NCOR1: variants seen among roughly 807,000 people sequenced by gnomAD.
NCOR1 encodes the protein protein phosphatase 1, regulatory subunit 109.
Under a neutral mutation model 288.1 loss-of-function variants are expected in NCOR1, and 63 were observed. The ratio of observed to expected loss-of-function variants is 0.22; its 90% CI spans 0.18 to 0.27. The LOEUF is 0.27. Among genes scored for constraint, NCOR1 ranks in the 10% least tolerant of loss-of-function variants. NCOR1 has a pLI of 1.00. For missense variants in NCOR1, 2,397 were observed against 3,019.2 expected (o/e 0.79, Z 4.83); for synonymous variants, 1,007 against 1,065.9 (o/e 0.94, Z 1.08).
intron 4 of NCOR1, among the ~76,000 whole-genome samples, chr17:16,170,551 T>C (rs1599847273): frequency 6.6e-6 from 1 of 152,180 alleles, no homozygotes; most frequent in African/African-American, 2.4e-5. Flanking sequence ...AAGGTAAACA[T>C]AGGCCCGGCA....
intron 4 of NCOR1, among the ~76,000 whole-genome samples, chr17:16,170,508 G>T (rs1258413562): frequency 6.6e-6 from 1 of 152,062 alleles, no homozygotes; most frequent in Non-Finnish European, 1.5e-5. Flanking sequence ...TTCCTAATCT[G>T]CAGAATTAAT....
Position 16,070,545 on chromosome 17 carries a change from C to A in NCOR1, c.4153-20G>T. The A allele has an allele frequency of 6.2e-7, 1 of 1,603,970 alleles. No homozygotes were observed. On this transcript the variant is annotated intron_variant, in intron 30 of 45. Coordinates refer to ENST00000268712, the MANE Select transcript of NCOR1 (RefSeq NM_006311.4). ...TGTGCCCTAAAGGGAAAGAAACAAA[C>A]ATTACAGGTAGCAAAGTCATCTGGC... is the stretch of plus-strand genomic sequence containing the variant.
chr17:16,088,811 TCCGGA>T (rs2064676119), intron 22 of NCOR1, among the ~76,000 whole-genome samples: 1 of 152,104 alleles, frequency 6.6e-6, no homozygotes, highest in African/African-American at 2.4e-5. Flanking sequence ...GCAGTATAAT[TCCGGA>T]CCGTTAGCTC....
At chr17:16,056,960 T>C (rs947293207) in intron 40 of NCOR1, 3 of 152,092 alleles carry the variant, frequency 2.0e-5, no homozygotes, top group African/African-American at 4.8e-5. Flanking sequence ...TAGAATAAAA[T>C]ATAAATGCAG....
At chr17:16,138,310 C>G (rs1599254475) in intron 12 of NCOR1, 98 bp from the exon 13 acceptor site, 1 of 1,051,576 alleles carries the variant, frequency 9.5e-7, no homozygotes, top group Non-Finnish European at 1.4e-6. Flanking sequence ...ATAGGCTGGG[C>G]GTGGTGGCTC....
intron 1 of NCOR1, among the ~76,000 whole-genome samples, chr17:16,208,206 ATTTTTTTTT>A (rs757019446): frequency 0.044 from 2,879 of 65,602 alleles, 88 homozygotes; most frequent in African/African-American, 0.11. Flanking sequence ...ATGCCCAGCT[ATTTTTTTTT>A]TTTTTTTTTT....
At chr17:16,095,317 C>T (rs2066247640) in intron 21 of NCOR1, among the ~76,000 whole-genome samples, 1 of 137,658 alleles carries the variant, frequency 7.3e-6, no homozygotes, top group African/African-American at 2.7e-5. Flanking sequence ...AGTGAGGAGA[C>T]CCTCTGCCCG....
intron 5 of NCOR1, among the ~76,000 whole-genome samples, chr17:16,162,722 A>G (rs1021551106): frequency 6.6e-6 from 1 of 152,186 alleles, no homozygotes; most frequent in Admixed American, 6.5e-5. Context: ...AACCAAACAA[A>G]TACTGAATTT....
At chr17:16,139,626 C>T (rs919945979) in intron 11 of NCOR1, among the ~76,000 whole-genome samples, 1 of 152,154 alleles carries the variant, frequency 6.6e-6, no homozygotes, top group Admixed American at 6.5e-5. Context: ...GAAAAATAAG[C>T]AAACAGGCAT....
At chr17:16,193,582 C>T (rs187224990) in intron 2 of NCOR1, among the ~76,000 whole-genome samples, 1 of 152,098 alleles carries the variant, frequency 6.6e-6, no homozygotes, top group East Asian at 1.9e-4. Flanking sequence ...AATTGGTAAT[C>T]GGATGAATAA....
At chr17:16,149,392 C>G in intron 9 of NCOR1, 59 bp downstream of exon 9, 1 of 1,008,542 alleles carries the variant, frequency 9.9e-7, no homozygotes, top group Non-Finnish European at 1.5e-6. Flanking sequence ...AAGTGAATGC[C>G]TAAATGAGCA....
chr17:16,185,574 T>C (rs1416472344), intron 3 of NCOR1, among the ~76,000 whole-genome samples: 1 of 148,130 alleles, frequency 6.8e-6, no homozygotes, highest in African/African-American at 2.5e-5. Flanking sequence ...TCCCAGCTAT[T>C]TAGGAGGCTG....
chr17:16,086,847 A>T (rs777801011), intron 22 of NCOR1, among the ~76,000 whole-genome samples: 3 of 152,222 alleles, frequency 2.0e-5, no homozygotes, highest in Non-Finnish European at 4.4e-5. Context: ...TGCATCTTGC[A>T]TATTGAGAAA....
rs755064097 is a variant in NCOR1 at position 16,171,960 on chromosome 17, T to C, written c.278A>G (p.His93Arg). Residue 93 changes from histidine (H) to arginine (R), a missense_variant, in exon 4 of 46, where the codon CAT becomes CGT. By Grantham distance (29) the His-to-Arg change is conservative (BLOSUM62 0). Transcript: ENST00000268712. The part of the protein sequence containing the change: ...QERRTSYEPF[H>R]PGPSPVDHDS... ...ATGATCCACTGGGGATGGGCCTGGA[T>C]GAAACGGTTCATAACTAGTTCTCCT... 6 of 1,602,410 alleles carry C rather than the reference T, an allele frequency of 3.7e-6. No individual in the cohort carries two copies. Among genetic ancestry groups the C allele is most frequent in the Non-Finnish European group, 5.1e-6 (6 of 1,175,388 alleles).
Position 16,194,492 on chromosome 17 carries a change from C to G in NCOR1, c.78G>C (p.Gln26His). 2 of 1,610,528 alleles carry G rather than the reference C, an allele frequency of 1.2e-6. No individual in the cohort carries two copies. Among genetic ancestry groups the G allele is most frequent in the Non-Finnish European group, 1.7e-6 (2 of 1,178,068 alleles). ...EQSRYPPHSVQYTFPNTRHQQ... is the reference protein window; with the variant it reads ...EQSRYPPHSVHYTFPNTRHQQ... ...GGTGGCGGGTGTTGGGAAATGTATA[C>G]TGGACAGAGTGAGGAGGATAACGAC... is the stretch of plus-strand genomic sequence containing the variant. The change falls in exon 2 of 46, where the codon CAG (glutamine) becomes CAC (histidine). Residue 26 changes from glutamine (Q) to histidine (H), a missense_variant. Coordinates refer to ENST00000268712, the MANE Select transcript of NCOR1 (RefSeq NM_006311.4).
intron 30 of NCOR1, 69 bp downstream of exon 30, chr17:16,071,340 A>C (rs2061741255): frequency 6.5e-7 from 1 of 1,546,206 alleles, no homozygotes; most frequent in Admixed American, 2.0e-5. Context: ...ACTTATAATT[A>C]TTAAGTCACA....
chr17:16,079,783 C>T lies in NCOR1; in HGVS notation c.3501+181G>A, dbSNP rs987297252. Among the ~76,000 whole-genome samples, 3 of 152,104 alleles carry T rather than the reference C, an allele frequency of 2.0e-5. No individual in the cohort carries two copies. In the East Asian group the frequency reaches 5.8e-4, roughly 29 times the overall value. ...ATGAACCAAAGTATTCATAATATAGCTTGTAGTCAAAATGATCACATTAAC... is the reference window on the plus strand; with the variant it reads ...ATGAACCAAAGTATTCATAATATAGTTTGTAGTCAAAATGATCACATTAAC... On this transcript the variant is annotated intron_variant, in intron 26 of 45. Transcript: ENST00000268712.
At chr17:16,202,069 C>G (rs796552095) in intron 1 of NCOR1, among the ~76,000 whole-genome samples, 9 of 151,988 alleles carry the variant, frequency 5.9e-5, no homozygotes, top group African/African-American at 2.2e-4. Context: ...ACCAAAAATA[C>G]AAAAATTAGC....
intron 45 of NCOR1, among the ~76,000 whole-genome samples, chr17:16,033,865 G>A (rs977717730): frequency 6.6e-6 from 1 of 152,034 alleles, no homozygotes; most frequent in East Asian, 2.0e-4. Context: ...GAGTGCAGTG[G>A]CGCAATCTCA....
Sources: allele counts gnomAD v4.1 joint callset (sites outside exome capture counted in the v4.1 genomes callset), GRCh38; gene constraint gnomAD v4.1.1; transcripts MANE v1.5; gene names NCBI Gene and HGNC (gene_info 2026-07-23, HGNC 2026-07-21).